GPR107: variants seen among roughly 807,000 people sequenced by gnomAD.
GPR107 encodes the protein G protein-coupled receptor 107.
GPR107 carries 31 observed loss-of-function variants against 75.5 expected under a neutral mutation model. The ratio of observed to expected loss-of-function variants is 0.41; its 90% CI spans 0.31 to 0.55. The LOEUF (loss-of-function observed/expected upper bound fraction) is 0.55, where lower values mean the gene tolerates loss of function less well. Among genes scored for constraint, GPR107 ranks in the 20% least tolerant of loss-of-function variants. The pLI is 0.26. For missense variants in GPR107, 572 were observed against 665.7 expected, an observed-to-expected ratio of 0.86 and a Z score of 1.55; for synonymous variants, 267 against 251.3, an observed-to-expected ratio of 1.06 and a Z score of -0.59.
chr9:130,074,664 A>G (rs1406472835), intron 1 of GPR107, among the ~76,000 whole-genome samples: 2 of 152,078 alleles, frequency 1.3e-5, no homozygotes, highest in African/African-American at 4.8e-5. Flanking sequence ...CTCTGTCTCC[A>G]TGTCGCTAAT....
chr9:130,061,681 C>A (rs781734418), intron 1 of GPR107, among the ~76,000 whole-genome samples: 1 of 152,094 alleles, frequency 6.6e-6, no homozygotes, highest in East Asian at 1.9e-4. Context: ...TGGTGGCTCA[C>A]GCCTGTAATC....
rs1220724993 is a variant in GPR107 at position 130,092,521 on chromosome 9, G to A, written c.863+140G>A. On this transcript the variant is annotated intron_variant, in intron 9 of 17. Transcript: ENST00000347136. ...GGCATCTTCCCGGAAACAGTATGAA[G>A]ATTGTGCGGGAGCATTATGGTGTGG... is the stretch of plus-strand genomic sequence containing the variant. The A allele has an allele frequency of 9.9e-6, 7 of 705,054 alleles. No individual in the cohort carries two copies. In the East Asian group the frequency reaches 1.5e-4, roughly 15 times the overall value. 43.7% of individuals were successfully genotyped at this position (705,054 alleles called of 1,614,324 possible).
At chr9:130,129,299 A>C (rs1189141192) in intron 17 of GPR107, 1 of 152,594 alleles carries the variant, frequency 6.6e-6, no homozygotes, top group African/African-American at 2.4e-5. Flanking sequence ...GGAAAGGGCC[A>C]TCATTGTCTA....
At chr9:130,087,736 A>C (rs1830647122) in intron 7 of GPR107, among the ~76,000 whole-genome samples, 1 of 147,542 alleles carries the variant, frequency 6.8e-6, no homozygotes, top group African/African-American at 2.5e-5. Flanking sequence ...CTGGGGGGTC[A>C]AGGTTCACAC....
intron 14 of GPR107, among the ~76,000 whole-genome samples, chr9:130,116,290 C>T (rs1046047256): frequency 5.9e-5 from 9 of 152,238 alleles, no homozygotes; most frequent in African/African-American, 2.2e-4. Flanking sequence ...GTTCTTCTGC[C>T]TACTGGTGTT....
chr9:130,054,270 C>T (rs754403781), intron 1 of GPR107, among the ~76,000 whole-genome samples, 197 bp downstream of exon 1: 7 of 152,100 alleles, frequency 4.6e-5, no homozygotes, highest in Non-Finnish European at 1.0e-4. Context: ...CTGACCGGCA[C>T]GGGGCGGGAA....
chr9:130,079,209 C>T (rs1477233645), intron 4 of GPR107, among the ~76,000 whole-genome samples: 10 of 152,196 alleles, frequency 6.6e-5, no homozygotes, highest in Non-Finnish European at 1.2e-4. Flanking sequence ...GTGATCCACC[C>T]GCCTCAGCCT....
chr9:130,094,286 T>C (rs1294650766), intron 9 of GPR107, among the ~76,000 whole-genome samples: 1 of 152,026 alleles, frequency 6.6e-6, no homozygotes, highest in Non-Finnish European at 1.5e-5. Flanking sequence ...CTACTAAAAA[T>C]ACAAAAAATT....
chr9:130,132,262 T>C (rs1554899193), intron 17 of GPR107, among the ~76,000 whole-genome samples: 2 of 152,152 alleles, frequency 1.3e-5, no homozygotes, highest in Non-Finnish European at 2.9e-5. Flanking sequence ...GCCAGTTTCC[T>C]GGCCGCACCC....
At chr9:130,085,251 G>C (rs140923666) in intron 6 of GPR107, among the ~76,000 whole-genome samples, 2 of 152,258 alleles carry the variant, frequency 1.3e-5, no homozygotes, top group African/African-American at 2.4e-5. Flanking sequence ...TGAGGATCTG[G>C]ACTAGAGCAG....
At chr9:130,087,406 G>A (rs571315067) in intron 7 of GPR107, among the ~76,000 whole-genome samples, 9 of 152,150 alleles carry the variant, frequency 5.9e-5, no homozygotes, top group South Asian at 2.1e-4. Flanking sequence ...GGTGGCTCAC[G>A]CCTGTTATCC....
intron 6 of GPR107, among the ~76,000 whole-genome samples, chr9:130,085,153 G>A (rs1830585882): frequency 6.6e-6 from 1 of 152,184 alleles, no homozygotes; most frequent in Non-Finnish European, 1.5e-5. Context: ...AATTCTGAAA[G>A]TGACGTGAAG....
chr9:130,097,574 A>T (rs1290406035), intron 9 of GPR107, among the ~76,000 whole-genome samples: 2 of 152,122 alleles, frequency 1.3e-5, no homozygotes, highest in South Asian at 2.1e-4. Flanking sequence ...CAATACTGAC[A>T]TCTTAATTTT....
intron 14 of GPR107, among the ~76,000 whole-genome samples, chr9:130,119,053 A>G (rs999500805): frequency 6.6e-6 from 1 of 152,214 alleles, no homozygotes; most frequent in Non-Finnish European, 1.5e-5. Flanking sequence ...CCCAACACCC[A>G]GCCCGCCACA....
chr9:130,062,369 C>T (rs1048680772), intron 1 of GPR107, among the ~76,000 whole-genome samples: 5 of 150,630 alleles, frequency 3.3e-5, no homozygotes, highest in Admixed American at 6.7e-5. Flanking sequence ...GCTGAGATTG[C>T]GCTATTGCAC....
At chr9:130,097,181 G>C (rs527675421) in intron 9 of GPR107, among the ~76,000 whole-genome samples, 1 of 126,862 alleles carries the variant, frequency 7.9e-6, no homozygotes, top group South Asian at 2.5e-4. Context: ...TTGAGACAGA[G>C]TCTCACTCTG....
intron 2 of GPR107, among the ~76,000 whole-genome samples, 178 bp downstream of exon 2, chr9:130,075,927 A>G (rs1461107850): frequency 1.3e-5 from 2 of 151,818 alleles, no homozygotes; most frequent in African/African-American, 2.4e-5. Context: ...GATTACAGGC[A>G]CCCACCACCA....
chr9:130,120,515 G>A (rs935285883), intron 14 of GPR107, among the ~76,000 whole-genome samples: 4 of 152,110 alleles, frequency 2.6e-5, no homozygotes, highest in African/African-American at 9.7e-5. Context: ...GGAGAGACCC[G>A]TCAGACTTTA....
Position 130,128,680 on chromosome 9 carries a change from C to T in GPR107, c.1481C>T (p.Thr494Met), listed in dbSNP as rs1364074055. Residue 494 changes from threonine to methionine, a missense_variant, in exon 17 of 18, where the codon ACG becomes ATG. Physicochemically the swap from Thr to Met is moderately conservative, Grantham distance 81. Coordinates refer to ENST00000347136, the MANE Select transcript of GPR107 (RefSeq NM_020960.5). ...GCCACACTGGTCTTCTTTGTTCTAA[C>T]GGGGTATAAATTCCGTCCGGCTTCA... ...ETATLVFFVLTGYKFRPASDN... is the reference protein window; with the variant it reads ...ETATLVFFVLMGYKFRPASDN... 3.1e-6 allele frequency: 5 copies of T among 1,610,272 alleles called. No individual in the cohort carries two copies. Among genetic ancestry groups the T allele is most frequent in the East Asian group, 2.2e-5 (1 of 44,876 alleles).
Sources: allele counts gnomAD v4.1 joint callset (sites outside exome capture counted in the v4.1 genomes callset), GRCh38; gene constraint gnomAD v4.1.1; transcripts MANE v1.5; gene names NCBI Gene and HGNC (gene_info 2026-07-23, HGNC 2026-07-21).